The following TNRC6B variants were observed in gnomAD, a reference collection of about 807,000 sequenced individuals.
TNRC6B encodes trinucleotide repeat containing adaptor 6B, also known as trinucleotide repeat-containing gene 6B protein.
Under a neutral mutation model 203.6 loss-of-function variants are expected in TNRC6B, and 52 were observed. The observed-to-expected ratio is 0.26, with a 90% CI of 0.20 to 0.32. The LOEUF (loss-of-function observed/expected upper bound fraction) is 0.32. Ranked by LOEUF, TNRC6B falls within the 10% of genes least tolerant of loss-of-function variation. The pLI is 1.00. For synonymous variants in TNRC6B, 838 were observed against 845.7 expected (o/e 0.99, Z 0.16); for missense variants, 1,923 against 2,286.2 (o/e 0.84, Z 3.24).
chr22:40,046,861 G>T (rs1245494499), intron 1 of TNRC6B, among the ~76,000 whole-genome samples: 1 of 151,944 alleles, frequency 6.6e-6, no homozygotes. Flanking sequence ...TAGCCAGGAT[G>T]GTCTCGATCT....
At chr22:40,125,630 G>C (rs1396218558) in intron 2 of TNRC6B, 23 of 535,854 alleles carry the variant, frequency 4.3e-5, no homozygotes, top group Admixed American at 1.1e-4. Context: ...CATGTGCATA[G>C]ACACACACAC....
intron 19 of TNRC6B, 50 bp downstream of exon 19, chr22:40,313,047 G>C: frequency 6.9e-7 from 1 of 1,446,518 alleles, no homozygotes; most frequent in African/African-American, 1.4e-5. Context: ...TTTTCATCAG[G>C]TTCCCTTTTA....
In TNRC6B at chr22:40,311,004, G is replaced by A. The variant is rs1335761686; in HGVS notation, c.4435+11G>A. On this transcript the variant is annotated intron_variant, in intron 17 of 22. Coordinates refer to ENST00000454349, the MANE Select transcript of TNRC6B (RefSeq NM_001162501.2). Reference sequence around the variant, plus strand: ...CCAGTTGGCCTCCAGGTATTGTCTAGGAAATGCTTTTCCCAGGATAGCATT... The same window carrying A: ...CCAGTTGGCCTCCAGGTATTGTCTAAGAAATGCTTTTCCCAGGATAGCATT... 1.3e-6 allele frequency: 2 copies of A among 1,599,870 alleles called. No homozygotes were observed. The highest frequency in any genetic ancestry group is 1.7e-6 in the Non-Finnish European group (2 of 1,173,842).
At chr22:40,198,017 A>G (rs2055565115) in intron 1 of TNRC6B, among the ~76,000 whole-genome samples, 1 of 152,172 alleles carries the variant, frequency 6.6e-6, no homozygotes, top group Non-Finnish European at 1.5e-5. Flanking sequence ...ATTGATTAAT[A>G]AAGACATTTT....
Position 40,131,787 on chromosome 22 carries a change from A to G in TNRC6B, c.45+5925A>G, listed in dbSNP as rs74350417. ...TTGTATGACCTAACAAATTTCTCAA[A>G]GAGAGTTCTGCTATTGTTGTGAAAG... is the stretch of plus-strand genomic sequence containing the variant. On this transcript the variant is annotated intron_variant, in intron 3 of 23. Coordinates refer to the TNRC6B transcript ENST00000301923. 4.2e-3 allele frequency among the ~76,000 whole-genome samples: 641 copies of G among 152,316 alleles called. 6 individuals are homozygous for G. The highest frequency in any genetic ancestry group is 0.015 in the African/African-American group (618 of 41,576).
intron 3 of TNRC6B, among the ~76,000 whole-genome samples, chr22:40,151,066 C>T (rs1041222107): frequency 1.3e-5 from 2 of 152,114 alleles, no homozygotes; most frequent in Non-Finnish European, 2.9e-5. Flanking sequence ...TGACCAAAGA[C>T]AAAAGAGGAA....
chr22:40,154,863 ATATATAT>A (rs2068803256), intron 3 of TNRC6B, among the ~76,000 whole-genome samples: 2 of 28,390 alleles, frequency 7.0e-5, no homozygotes, highest in East Asian at 5.9e-4. Context: ...AAAAAAAAAT[ATATATAT>A]ATATATATAT....
chr22:40,047,098 C>G (rs2067696109), intron 1 of TNRC6B, among the ~76,000 whole-genome samples: 1 of 152,108 alleles, frequency 6.6e-6, no homozygotes. Context: ...CGTTACTATA[C>G]TATGAATGAG....
intron 1 of TNRC6B, among the ~76,000 whole-genome samples, chr22:40,104,363 G>C (rs2068264263): frequency 6.6e-6 from 1 of 152,046 alleles, no homozygotes; most frequent in South Asian, 2.1e-4. Context: ...TCCAGAGGGA[G>C]TCTACACCTG....
At chr22:40,217,497 G>A (rs1232547796) in intron 1 of TNRC6B, among the ~76,000 whole-genome samples, 1 of 152,230 alleles carries the variant, frequency 6.6e-6, no homozygotes, top group Non-Finnish European at 1.5e-5. Flanking sequence ...TACGTGTAAG[G>A]CAGTGTTGGG....
intron 17 of TNRC6B, among the ~76,000 whole-genome samples, chr22:40,311,972 A>C (rs541192442): frequency 5.9e-5 from 9 of 152,380 alleles, no homozygotes; most frequent in African/African-American, 1.7e-4. Context: ...TTGACCAATA[A>C]AAAAATTCCG....
intron 2 of TNRC6B, among the ~76,000 whole-genome samples, chr22:40,246,562 A>G (rs2070110082): frequency 6.6e-6 from 1 of 152,210 alleles, no homozygotes; most frequent in Admixed American, 6.5e-5. Context: ...AAGTGGGAGA[A>G]AGTTCAAGGT....
At chr22:40,300,240 T>A (rs2071004689) in intron 12 of TNRC6B, among the ~76,000 whole-genome samples, 1 of 152,152 alleles carries the variant, frequency 6.6e-6, no homozygotes, top group African/African-American at 2.4e-5. Flanking sequence ...AATTGGAAAG[T>A]CTAAGAAGAA....
chr22:40,172,901 C>A (rs1483466230), intron 4 of TNRC6B, among the ~76,000 whole-genome samples: 1 of 152,076 alleles, frequency 6.6e-6, no homozygotes, highest in African/African-American at 2.4e-5. Context: ...CTTCTGTTTT[C>A]TTTGACTATC....
chr22:40,183,296 G>A (rs1379982297), intron 1 of TNRC6B, among the ~76,000 whole-genome samples: 1 of 152,196 alleles, frequency 6.6e-6, no homozygotes, highest in African/African-American at 2.4e-5. Flanking sequence ...GAACCAGAAA[G>A]GCTTTTATGG....
rs1399529985 is a variant in TNRC6B, at chr22:40,329,333, C to T, written c.*6092C>T. Reference sequence around the variant, plus strand: ...GAAAACAGAATATTATCTAGATTTCCAGAGTTAGTGCAGACCCTGTGATAA... The same window carrying T: ...GAAAACAGAATATTATCTAGATTTCTAGAGTTAGTGCAGACCCTGTGATAA... On this transcript the variant is annotated 3_prime_UTR_variant, in exon 23 of 23. Transcript: ENST00000454349. 4 of 152,150 alleles carry T rather than the reference C, an allele frequency of 2.6e-5. No individual in the cohort carries two copies. The highest frequency in any genetic ancestry group is 9.7e-5 in the African/African-American group (4 of 41,428). 9.4% of individuals were successfully genotyped at this position (152,150 alleles called of 1,614,324 possible). A position where few individuals can be genotyped will look rare whatever the true frequency, so the allele number is the denominator to read the frequency against.
intron 3 of TNRC6B, among the ~76,000 whole-genome samples, chr22:40,149,531 G>A (rs550179373): frequency 7.2e-5 from 11 of 151,974 alleles, no homozygotes; most frequent in Admixed American, 2.0e-4. Flanking sequence ...TTCGCCAGGC[G>A]TGGTGGCACA....
intron 16 of TNRC6B, 30 bp downstream of exon 16, chr22:40,308,679 C>T: frequency 6.3e-7 from 1 of 1,586,634 alleles, no homozygotes; most frequent in Non-Finnish European, 8.6e-7. Flanking sequence ...CTAGAGCCCC[C>T]AACCCACAGC....
At chr22:40,259,253 C>G (rs1051290029) in intron 3 of TNRC6B, among the ~76,000 whole-genome samples, 2 of 151,622 alleles carry the variant, frequency 1.3e-5, no homozygotes, top group Non-Finnish European at 2.9e-5. Flanking sequence ...GAGACAGAGT[C>G]TTGCTCTGTG....
Sources: allele counts gnomAD v4.1 joint callset (sites outside exome capture counted in the v4.1 genomes callset), GRCh38; gene constraint gnomAD v4.1.1; transcripts MANE v1.5; gene names NCBI Gene and HGNC (gene_info 2026-07-23, HGNC 2026-07-21).